Variants in DHRS12 observed in about 807,000 individuals in gnomAD.
The protein encoded by DHRS12 is dehydrogenase/reductase 12.
A neutral mutation model predicts 32.1 loss-of-function variants in DHRS12; 29 were observed. That is an observed-to-expected ratio of 0.90 (90% CI 0.67 to 1.23). DHRS12 has a LOEUF of 1.23. Among genes scored for constraint, DHRS12 ranks in the 50% most tolerant of loss-of-function variants. The pLI is 0.00. For missense variants in DHRS12, 330 were observed against 337.2 expected (o/e 0.98, Z 0.17); for synonymous variants, 150 against 135.9 (o/e 1.10, Z -0.72).
rs1566271395 is a variant in DHRS12, at chr13:51,769,208, C to T, written c.645G>A (p.Trp215Ter). Residue 215 changes from tryptophan (W) to a stop codon, truncating the protein, a stop_gained, in exon 8 of 9, where the codon TGG becomes TGA. Transcript: ENST00000444610. LOFTEE classifies it high-confidence loss of function. Reference protein sequence around the residue: ...SEAQGADTMLWLALSSAAAAQ... With the variant: ...SEAQGADTML ...CGGCTGCGGCAGAGGAGAGGGCCAG[C>T]CACAGCATGGTGTCCGCGCCCTGGG... 6.4e-7 allele frequency: 1 copy of T among 1,573,108 alleles called. No individual in the cohort carries two copies. Among genetic ancestry groups the T allele is most frequent in the Admixed American group, 1.8e-5 (1 of 54,292 alleles).
At chr13:51,769,509 C>T (rs1412405462) in intron 7 of DHRS12, among the ~76,000 whole-genome samples, 1 of 152,138 alleles carries the variant, frequency 6.6e-6, no homozygotes, top group Non-Finnish European at 1.5e-5. Context: ...TGGTGCTCAC[C>T]AGAGGCCTGA....
chr13:51,767,791 G>T (rs997279625), downstream of DHRS12: 53 of 101,704 alleles, frequency 5.2e-4, 10 homozygotes, highest in South Asian at 5.3e-3. Context: ...CGGGGGGGGG[G>T]GGGGGGTGCA....
chr13:51,755,377 G>A, the DHRS12 span: 1 of 1,614,214 alleles, frequency 6.2e-7, no homozygotes, highest in East Asian at 2.2e-5. Context: ...TGGTTGGACA[G>A]TGATTCCTGC....
chr13:51,756,565 C>T, the DHRS12 span: 2 of 1,468,628 alleles, frequency 1.4e-6, no homozygotes, highest in African/African-American at 2.8e-5. Flanking sequence ...CTAGTTTCTG[C>T]TGGTTTAGAA....
At chr13:51,759,673 C>T in the DHRS12 span, 28 of 1,508,294 alleles carry the variant, frequency 1.9e-5, no homozygotes, top group African/African-American at 4.1e-5. Context: ...TTGAAGAATT[C>T]AGTTCTAAGG....
Position 51,790,021 on chromosome 13 carries a change from G to A in DHRS12, c.291C>T (p.Ala97=), listed in dbSNP as rs765846291. 5 of 1,602,990 alleles carry A rather than the reference G, an allele frequency of 3.1e-6. No individual in the cohort carries two copies. The East Asian group carries it at 6.8e-5, about 22-fold the overall frequency. Residue 97 remains alanine (A), a synonymous_variant, in exon 4 of 9, where the codon GCC becomes GCT. Transcript: ENST00000444610. ...ACTTCTTGTACTTACCCAGAGTATT[G>A]GCAGCAAAGTTTTTTTCAAGTCCAT... ...TEDGLEKNFA[A]NTLGVYILTT...
intron 7 of DHRS12, among the ~76,000 whole-genome samples, chr13:51,769,576 G>A (rs1953919357): frequency 1.3e-5 from 2 of 151,998 alleles, no homozygotes; most frequent in African/African-American, 4.8e-5. Flanking sequence ...GAGCAGAGTC[G>A]CCCGCAGAGC....
At chr13:51,785,364 G>A (rs1439905150) in intron 4 of DHRS12, among the ~76,000 whole-genome samples, 4 of 152,000 alleles carry the variant, frequency 2.6e-5, no homozygotes, top group African/African-American at 9.6e-5. Context: ...ACAAACCCTT[G>A]TGGCAGATTA....
At chr13:51,756,587 G>A in the DHRS12 span, 6 of 1,400,578 alleles carry the variant, frequency 4.3e-6, no homozygotes, top group Non-Finnish European at 5.6e-6. Flanking sequence ...ATAGTCCACG[G>A]CAAGCAGTAA....
At chr13:51,772,768 C>T (rs1357480095) in intron 6 of DHRS12, 1 of 985,482 alleles carries the variant, frequency 1.0e-6, no homozygotes, top group Non-Finnish European at 1.2e-6. Context: ...CTCTGGGCCT[C>T]ATTTACAAGT....
intron 2 of DHRS12, among the ~76,000 whole-genome samples, chr13:51,797,461 G>C (rs1380967529): frequency 6.6e-6 from 1 of 152,142 alleles, no homozygotes; most frequent in Non-Finnish European, 1.5e-5. Context: ...AGAGCACATC[G>C]GGTCAATGCA....
At chr13:51,803,288 T>C (rs1955841392) in intron 1 of DHRS12, among the ~76,000 whole-genome samples, 1 of 152,200 alleles carries the variant, frequency 6.6e-6, no homozygotes, top group Non-Finnish European at 1.5e-5. Flanking sequence ...GAAATGCCAG[T>C]CCAGGCCCCT....
chr13:51,773,281 C>T (rs1954127238), intron 6 of DHRS12, among the ~76,000 whole-genome samples: 1 of 152,088 alleles, frequency 6.6e-6, no homozygotes, highest in Non-Finnish European at 1.5e-5. Flanking sequence ...GTCATATACG[C>T]CTTTACAAAT....
At chr13:51,759,737 C>T in the DHRS12 span, 4 of 1,613,188 alleles carry the variant, frequency 2.5e-6, no homozygotes, top group African/African-American at 4.0e-5. Context: ...TTTCTTTTTG[C>T]AGTTGTGGGA....
chr13:51,782,818 T>C lies in DHRS12; in HGVS notation c.302-5697A>G, dbSNP rs144388990. Among the ~76,000 whole-genome samples, 301 of 152,268 alleles carry C rather than the reference T, an allele frequency of 2.0e-3. 1 individual carries two copies. Among genetic ancestry groups the C allele is most frequent in the African/African-American group, 6.9e-3 (286 of 41,546 alleles). On this transcript the variant is annotated intron_variant, in intron 4 of 8. Transcript: ENST00000444610. The surrounding 1 kb of genome is among the most constrained non-coding windows in gnomAD (Gnocchi z 4.2). ...CAAAGGTGCTTATTTGGGATTGTGT[T>C]TCTAAAACTCCTCAAATGAATGTTT...
At chr13:51,771,330 G>T (rs1593505288) in intron 7 of DHRS12, 2 of 1,598,404 alleles carry the variant, frequency 1.3e-6, no homozygotes, top group Non-Finnish European at 1.7e-6. Context: ...ATCCGGAAGA[G>T]AATTCTGCTC....
intron 1 of DHRS12, among the ~76,000 whole-genome samples, chr13:51,802,616 G>GATT (rs1475875612): frequency 6.6e-6 from 1 of 152,212 alleles, no homozygotes; most frequent in Non-Finnish European, 1.5e-5. Context: ...AGGAAACAGT[G>GATT]ATTAGATCCT....
At chr13:51,781,265 G>C (rs1261222410) in intron 4 of DHRS12, among the ~76,000 whole-genome samples, 1 of 152,322 alleles carries the variant, frequency 6.6e-6, no homozygotes, top group African/African-American at 2.4e-5. Context: ...GGCTTCCTAT[G>C]GGGTATTCTT....
At chr13:51,770,537 A>G (rs1186159062) in intron 7 of DHRS12, among the ~76,000 whole-genome samples, 1 of 152,200 alleles carries the variant, frequency 6.6e-6, no homozygotes. Context: ...GTCTCCCATT[A>G]GGCCGTGAGA....
Sources: allele counts gnomAD v4.1 joint callset (sites outside exome capture counted in the v4.1 genomes callset), GRCh38; gene constraint gnomAD v4.1.1; non-coding constraint Gnocchi (gnomAD v3.1); transcripts MANE v1.5; gene names NCBI Gene and HGNC (gene_info 2026-07-23, HGNC 2026-07-21).